HNF4G: variants seen among roughly 807,000 people sequenced by gnomAD.
HNF4G encodes hepatocyte nuclear factor 4-gamma.
HNF4G carries 21 observed loss-of-function variants against 50.9 expected under a neutral mutation model. That is an observed-to-expected ratio of 0.41 (90% CI 0.29 to 0.59). The LOEUF (loss-of-function observed/expected upper bound fraction) is 0.59, where lower values mean the gene tolerates loss of function less well. Among genes scored for constraint, HNF4G ranks in the 20% least tolerant of loss-of-function variants. The pLI, the probability that HNF4G is intolerant of heterozygous loss-of-function variation, is 0.26. For synonymous variants in HNF4G, 198 were observed against 185.6 expected (o/e 1.07, Z -0.54); for missense variants, 527 against 559.4 (o/e 0.94, Z 0.58).
chr8:75,444,605 C>G (rs1197249002), intron 1 of HNF4G, among the ~76,000 whole-genome samples: 1 of 130,906 alleles, frequency 7.6e-6, no homozygotes, highest in Non-Finnish European at 1.6e-5. Flanking sequence ...AAATGGAAAA[C>G]TAAAAAAGGC....
intron 1 of HNF4G, among the ~76,000 whole-genome samples, chr8:75,540,345 A>G (rs2130782935): frequency 6.6e-6 from 1 of 152,310 alleles, no homozygotes; most frequent in South Asian, 2.1e-4. Context: ...TTAGACAGGT[A>G]AAAAGAGTAG....
chr8:75,471,311 GAA>G (rs1286294159), intron 1 of HNF4G, among the ~76,000 whole-genome samples: 2 of 152,100 alleles, frequency 1.3e-5, no homozygotes, highest in African/African-American at 4.8e-5. Context: ...AGCATAATCT[GAA>G]AAGTGTCAGC....
intron 2 of HNF4G, among the ~76,000 whole-genome samples, chr8:75,496,534 A>C (rs1355889284): frequency 6.6e-6 from 1 of 152,016 alleles, no homozygotes; most frequent in African/African-American, 2.4e-5. Flanking sequence ...AGCCACCAGA[A>C]TTCTCCATCT....
At chr8:75,491,525 A>G (rs537280863) in intron 2 of HNF4G, among the ~76,000 whole-genome samples, 1 of 150,710 alleles carries the variant, frequency 6.6e-6, no homozygotes, top group Non-Finnish European at 1.5e-5. Flanking sequence ...CCCAGGCTGG[A>G]GTGTAGTGGT....
At chr8:75,476,973 T>A (rs968698307) in intron 1 of HNF4G, among the ~76,000 whole-genome samples, 5 of 152,234 alleles carry the variant, frequency 3.3e-5, no homozygotes, top group African/African-American at 1.2e-4. Flanking sequence ...AAACATTTTG[T>A]TTAATGTAGT....
intron 9 of HNF4G, among the ~76,000 whole-genome samples, chr8:75,560,909 G>T (rs1197434899): frequency 6.6e-6 from 1 of 152,032 alleles, no homozygotes; most frequent in East Asian, 1.9e-4. Flanking sequence ...TACTTATTTT[G>T]TAGAATTCAA....
At chr8:75,520,920 A>G (rs541673774) in intron 2 of HNF4G, among the ~76,000 whole-genome samples, 1 of 152,206 alleles carries the variant, frequency 6.6e-6, no homozygotes, top group South Asian at 2.1e-4. Context: ...TAAACAGATT[A>G]TAAATATTTT....
chr8:75,559,224 A>C (rs945681389), intron 8 of HNF4G, among the ~76,000 whole-genome samples, 187 bp downstream of exon 8: 3 of 151,710 alleles, frequency 2.0e-5, no homozygotes, highest in African/African-American at 7.3e-5. Context: ...AAGACCCATC[A>C]GAGAGACAAA....
chr8:75,464,416 A>G (rs1458919606), intron 1 of HNF4G, among the ~76,000 whole-genome samples: 1 of 152,004 alleles, frequency 6.6e-6, no homozygotes, highest in Non-Finnish European at 1.5e-5. Context: ...TGTTTCCTGC[A>G]CTAAATTTGC....
At chr8:75,500,243 A>G (rs1486636347) in intron 2 of HNF4G, among the ~76,000 whole-genome samples, 3 of 152,174 alleles carry the variant, frequency 2.0e-5, no homozygotes, top group Non-Finnish European at 2.9e-5. Context: ...AAGACGATAT[A>G]TAAACGAACA....
intron 2 of HNF4G, among the ~76,000 whole-genome samples, chr8:75,494,404 A>G (rs754994133): frequency 2.0e-5 from 3 of 151,978 alleles, no homozygotes; most frequent in African/African-American, 7.2e-5. Context: ...ATACGTGAAA[A>G]TTTAAGTCAT....
At chr8:75,416,358 T>C (rs943468819) in intron 1 of HNF4G, among the ~76,000 whole-genome samples, 6 of 152,208 alleles carry the variant, frequency 3.9e-5, no homozygotes, top group African/African-American at 1.4e-4. Context: ...GACTCATGAT[T>C]TGGACATTTT....
chr8:75,439,335 G>A (rs1426858502), intron 1 of HNF4G, among the ~76,000 whole-genome samples: 1 of 151,872 alleles, frequency 6.6e-6, no homozygotes, highest in Non-Finnish European at 1.5e-5. Flanking sequence ...GTTAAATGAT[G>A]AATTTTTTAC....
chr8:75,448,192 C>A (rs1223062934), intron 1 of HNF4G, among the ~76,000 whole-genome samples: 1 of 134,708 alleles, frequency 7.4e-6, no homozygotes, highest in Non-Finnish European at 1.6e-5. Context: ...AACAAAAAAC[C>A]AAACACCGTA....
At chr8:75,547,732 A>G (rs1021749325) in intron 3 of HNF4G, 51 bp downstream of exon 3, 5 of 1,066,106 alleles carry the variant, frequency 4.7e-6, no homozygotes, top group Non-Finnish European at 1.5e-6. Context: ...AGTGATAAAC[A>G]TACACACACA....
At chr8:75,508,448 A>T (rs953248623) in intron 2 of HNF4G, among the ~76,000 whole-genome samples, 6 of 152,122 alleles carry the variant, frequency 3.9e-5, no homozygotes, top group Non-Finnish European at 7.4e-5. Context: ...AAACAGTTAA[A>T]TAAAATATTG....
intron 1 of HNF4G, among the ~76,000 whole-genome samples, chr8:75,451,044 GTAT>G (rs1811572517): frequency 6.6e-6 from 1 of 152,102 alleles, no homozygotes; most frequent in Non-Finnish European, 1.5e-5. Context: ...CAAGTCTGTA[GTAT>G]TCTGTTATGG....
intron 1 of HNF4G, among the ~76,000 whole-genome samples, chr8:75,467,998 T>C (rs1372137858): frequency 6.6e-6 from 1 of 152,188 alleles, no homozygotes; most frequent in Non-Finnish European, 1.5e-5. Flanking sequence ...TATCGTCATA[T>C]ATATTTATAC....
intron 2 of HNF4G, among the ~76,000 whole-genome samples, chr8:75,522,801 T>A (rs1480217803): frequency 6.6e-6 from 1 of 152,152 alleles, no homozygotes; most frequent in African/African-American, 2.4e-5. Flanking sequence ...AGAGCGATAT[T>A]TCATATAAGT....
Sources: allele counts gnomAD v4.1 joint callset (sites outside exome capture counted in the v4.1 genomes callset), GRCh38; gene constraint gnomAD v4.1.1; transcripts MANE v1.5; gene names NCBI Gene and HGNC (gene_info 2026-07-23, HGNC 2026-07-21).